CLVS1: variants seen among roughly 807,000 people sequenced by gnomAD.
CLVS1 encodes the protein clavesin 1.
Under a neutral mutation model 33.1 loss-of-function variants are expected in CLVS1, and 10 were observed. The observed-to-expected ratio is 0.30, with a 90% CI of 0.19 to 0.51. CLVS1 has a LOEUF of 0.51. Ranked by LOEUF, CLVS1 falls within the 20% of genes least tolerant of loss-of-function variation. The pLI, the probability that CLVS1 is intolerant of heterozygous loss-of-function variation, is 0.97. For missense variants in CLVS1, 343 were observed against 433.4 expected (o/e 0.79, Z 1.85); for synonymous variants, 163 against 166.1 (o/e 0.98, Z 0.14).
chr8:61,138,981 C>T (rs1450933148), intron 2 of CLVS1, among the ~76,000 whole-genome samples: 3 of 152,274 alleles, frequency 2.0e-5, no homozygotes, highest in Non-Finnish European at 4.4e-5. Context: ...GCGACAATGG[C>T]TTCTCCTTGC....
At chr8:61,358,593 C>T (rs1812844141) in intron 2 of CLVS1, among the ~76,000 whole-genome samples, 1 of 152,132 alleles carries the variant, frequency 6.6e-6, no homozygotes, top group Non-Finnish European at 1.5e-5. Flanking sequence ...CACATATGCT[C>T]ACACTAAATT....
chr8:61,092,785 A>T (rs1331127149), intron 1 of CLVS1, among the ~76,000 whole-genome samples: 2 of 152,188 alleles, frequency 1.3e-5, no homozygotes, highest in African/African-American at 2.4e-5. Flanking sequence ...AGTGACCCTA[A>T]TTCCATCTGC....
intron 2 of CLVS1, among the ~76,000 whole-genome samples, chr8:61,303,592 G>A (rs533579062): frequency 1.3e-5 from 2 of 152,270 alleles, no homozygotes; most frequent in African/African-American, 4.8e-5. Flanking sequence ...GACCATTATG[G>A]TTTTAATAAA....
chr8:60,980,889 A>G, the CLVS1 span, among the ~76,000 whole-genome samples: 1 of 151,556 alleles, frequency 6.6e-6, no homozygotes, highest in African/African-American at 2.4e-5. Flanking sequence ...AAAAAGACTC[A>G]AGAAAGCACC....
the CLVS1 span, among the ~76,000 whole-genome samples, chr8:61,016,124 G>T: frequency 6.6e-6 from 1 of 152,118 alleles, no homozygotes; most frequent in Non-Finnish European, 1.5e-5. Context: ...TACAAATATT[G>T]TATAAAATTA....
At chr8:61,138,272 A>G (rs1448376988) in intron 2 of CLVS1, among the ~76,000 whole-genome samples, 1 of 152,198 alleles carries the variant, frequency 6.6e-6, no homozygotes, top group East Asian at 1.9e-4. Flanking sequence ...CAACAGAGAT[A>G]AGACACACAG....
At chr8:61,456,685 G>A (rs942049461) in intron 4 of CLVS1, among the ~76,000 whole-genome samples, 6 of 152,020 alleles carry the variant, frequency 3.9e-5, no homozygotes. Flanking sequence ...GGGAGGCCGA[G>A]GCATGCGGAT....
chr8:61,074,485 ATG>A (rs922520165), intron 1 of CLVS1, among the ~76,000 whole-genome samples: 25 of 147,658 alleles, frequency 1.7e-4, no homozygotes, highest in Non-Finnish European at 8.9e-5. Flanking sequence ...ATATAAGTAT[ATG>A]TGTATATATA....
intron 3 of CLVS1, among the ~76,000 whole-genome samples, chr8:61,439,484 C>T (rs985043376): frequency 1.3e-5 from 2 of 152,168 alleles, no homozygotes; most frequent in African/African-American, 2.4e-5. Flanking sequence ...TTCACTCCTT[C>T]TCTCCTCCCA....
chr8:61,416,602 A>G (rs1815447546), intron 3 of CLVS1, among the ~76,000 whole-genome samples: 1 of 152,220 alleles, frequency 6.6e-6, no homozygotes, highest in South Asian at 2.1e-4. Flanking sequence ...TAATGTGATT[A>G]CAATGAGCCC....
chr8:61,231,486 G>A (rs550927831), intron 2 of CLVS1, among the ~76,000 whole-genome samples: 1 of 152,284 alleles, frequency 6.6e-6, no homozygotes, highest in African/African-American at 2.4e-5. Context: ...TGATTCTGAT[G>A]TGCAGTCAAG....
chr8:61,268,022 T>A (rs7001460), intron 2 of CLVS1, among the ~76,000 whole-genome samples: 41,769 of 151,790 alleles, frequency 0.28, 8,168 homozygotes, highest in East Asian at 0.85. Context: ...CTTTTTTTTT[T>A]ATTTTTATTA....
intron 2 of CLVS1, among the ~76,000 whole-genome samples, chr8:61,370,177 T>C (rs1813374015): frequency 6.8e-6 from 1 of 147,960 alleles, no homozygotes; most frequent in African/African-American, 2.4e-5. Context: ...AAGACAGAAC[T>C]GGGCAAAGAG....
At chr8:60,978,809 C>CAAAAAAAAAAAAAAAAAAAA in the CLVS1 span, among the ~76,000 whole-genome samples, 17 of 22,482 alleles carry the variant, frequency 7.6e-4, no homozygotes, top group Admixed American at 1.6e-3. Flanking sequence ...GACTCCATCT[C>CAAAAAAAAAAAAAAAAAAAA]AAAAAAAAAA....
chr8:61,173,885 T>C (rs1454446495), intron 2 of CLVS1, among the ~76,000 whole-genome samples: 1 of 152,164 alleles, frequency 6.6e-6, no homozygotes, highest in African/African-American at 2.4e-5. Context: ...TTAGAGGTAA[T>C]AGTGTCTGAT....
At chr8:61,462,788 T>C (rs114200821) in intron 5 of CLVS1, among the ~76,000 whole-genome samples, 33 of 152,158 alleles carry the variant, frequency 2.2e-4, no homozygotes, top group African/African-American at 7.0e-4. Context: ...ACAGGGAGAG[T>C]AGATTTAACA....
intron 1 of CLVS1, among the ~76,000 whole-genome samples, chr8:61,125,318 G>A (rs1805948958): frequency 6.6e-6 from 1 of 152,182 alleles, no homozygotes; most frequent in South Asian, 2.1e-4. Context: ...GGATGGTTTG[G>A]GGGTCAGGGG....
chr8:61,263,800 G>T (rs1258887340), intron 2 of CLVS1, among the ~76,000 whole-genome samples: 1 of 152,116 alleles, frequency 6.6e-6, no homozygotes, highest in Non-Finnish European at 1.5e-5. Context: ...CTCATTAAGG[G>T]TTATCATTGC....
intron 2 of CLVS1, among the ~76,000 whole-genome samples, chr8:61,238,126 C>G (rs1168124965): frequency 6.6e-6 from 1 of 152,176 alleles, no homozygotes; most frequent in Non-Finnish European, 1.5e-5. Context: ...GATCTACTTT[C>G]TTATTTAAGA....
Sources: allele counts gnomAD v4.1 joint callset (sites outside exome capture counted in the v4.1 genomes callset), GRCh38; gene constraint gnomAD v4.1.1; transcripts MANE v1.5; gene names NCBI Gene and HGNC (gene_info 2026-07-23, HGNC 2026-07-21).